The following MBTPS2 variants were observed in gnomAD, a reference collection of about 807,000 sequenced individuals.
MBTPS2 encodes membrane-bound transcription factor site-2 protease.
A neutral mutation model predicts 35.4 loss-of-function variants in MBTPS2; 2 were observed. That is an observed-to-expected ratio of 0.06 (90% CI 0.02 to 0.18). The LOEUF (loss-of-function observed/expected upper bound fraction) is 0.18. Ranked by LOEUF, MBTPS2 falls within the 10% of genes least tolerant of loss-of-function variation. The pLI is 1.00. For synonymous variants in MBTPS2, 125 were observed against 140.4 expected (o/e 0.89, Z 0.77); for missense variants, 244 against 386.5 (o/e 0.63, Z 3.09).
At chrX:21,876,230 T>C (rs898019839) in intron 7 of MBTPS2, among the ~76,000 whole-genome samples, 1 of 111,984 alleles carries the variant, frequency 8.9e-6, no homozygotes, top group Non-Finnish European at 1.9e-5. Context: ...TTTTAAATAC[T>C]GCTCCTCACT....
chrX:21,881,149 G>C (rs1043703869), intron 10 of MBTPS2, among the ~76,000 whole-genome samples, 177 bp downstream of exon 10: 1 of 112,315 alleles, frequency 8.9e-6, no homozygotes, highest in Non-Finnish European at 1.9e-5. Context: ...GAAGAAGTCA[G>C]AGGAGAAAGA....
intron 7 of MBTPS2, chrX:21,870,648 A>G (rs1330103257): frequency 8.9e-6 from 1 of 112,203 alleles, no homozygotes; most frequent in African/African-American, 3.2e-5. Flanking sequence ...GTCTGATTCT[A>G]TCTGGGGTAG....
rs1221905863 is a variant in MBTPS2, at chrX:21,842,466, T to C, written c.76-704T>C. On this transcript the variant is annotated intron_variant, in intron 1 of 10. Transcript: ENST00000379484. ...TTTTTAAATTATAACACAAGGCTTC[T>C]GGACCAGTGCTGTCCAATATGGCAG... 3.3e-4 allele frequency among the ~76,000 whole-genome samples: 36 copies of C among 110,056 alleles called. 1 individual carries two copies. Among genetic ancestry groups the C allele is most frequent in the African/African-American group, 3.3e-5 (1 of 30,244 alleles).
chrX:21,867,090 C>T (rs2092941080), intron 5 of MBTPS2, among the ~76,000 whole-genome samples: 1 of 109,639 alleles, frequency 9.1e-6, no homozygotes, highest in Admixed American at 9.7e-5. Context: ...AAATGATTCT[C>T]AAATTTATCA....
At chrX:21,873,997 G>GTATATA (rs1487065636) in intron 7 of MBTPS2, among the ~76,000 whole-genome samples, 114 of 72,600 alleles carry the variant, frequency 1.6e-3, no homozygotes, top group African/African-American at 5.6e-3. Context: ...GTGTGTGTGT[G>GTATATA]TGTGTATATA....
chrX:21,879,173 C>A (rs1028124796), intron 9 of MBTPS2, among the ~76,000 whole-genome samples: 1 of 112,126 alleles, frequency 8.9e-6, no homozygotes, highest in Non-Finnish European at 1.9e-5. Flanking sequence ...TTCTTTATGG[C>A]TAAAGATCAT....
rs894398869 is a variant in MBTPS2 at position 21,878,433 on chromosome X, A to G, written c.1066-64A>G. The G allele has an allele frequency of 8.4e-6, 7 of 838,321 alleles. No individual in the cohort carries two copies. In the African/African-American group the frequency reaches 1.4e-4, roughly 17 times the overall value. The allele number at this position is 838,321 out of a possible 1,213,427, so 69.1% of individuals were successfully genotyped here. On this transcript the variant is annotated intron_variant, in intron 8 of 10. Coordinates refer to ENST00000379484, the MANE Select transcript of MBTPS2 (RefSeq NM_015884.4). ...TGCTAGGTGACATGAAAAATATTGAAGGAATGTAACTTAGGTTTTTCTTAA... is the reference window on the plus strand; with the variant it reads ...TGCTAGGTGACATGAAAAATATTGAGGGAATGTAACTTAGGTTTTTCTTAA...
chrX:21,856,918 C>T, intron 5 of MBTPS2: 3 of 1,211,863 alleles, frequency 2.5e-6, no homozygotes, highest in Non-Finnish European at 3.3e-6. Context: ...AGCAAAAAGC[C>T]CAGCGGCAAG....
intron 5 of MBTPS2, among the ~76,000 whole-genome samples, chrX:21,862,908 A>AT (rs2092933693): frequency 1.5e-5 from 1 of 66,999 alleles, no homozygotes; most frequent in Non-Finnish European, 3.0e-5. Context: ...AAACATATAT[A>AT]AATATATAAA....
Position 21,885,152 on chromosome X carries a change from C to T in MBTPS2, c.*2497C>T. The T allele has an allele frequency of 4.0e-6, 3 of 753,204 alleles. No individual in the cohort carries two copies. Among genetic ancestry groups the T allele is most frequent in the Non-Finnish European group, 4.7e-6 (3 of 638,421 alleles). The allele number at this position is 753,204 out of a possible 1,213,427, so 62.1% of individuals were successfully genotyped here. A position where few individuals can be genotyped will look rare whatever the true frequency, so the allele number is the denominator to read the frequency against. ...CAGTTTGAAAAGACATGCAGTTAAACTTGACCTTTTGATAATCGCTCTTAC... is the reference window on the plus strand; with the variant it reads ...CAGTTTGAAAAGACATGCAGTTAAATTTGACCTTTTGATAATCGCTCTTAC... On this transcript the variant is annotated 3_prime_UTR_variant, in exon 11 of 11. Coordinates refer to ENST00000379484, the MANE Select transcript of MBTPS2 (RefSeq NM_015884.4).
chrX:21,853,726 CAG>C (rs1311313274), intron 5 of MBTPS2, among the ~76,000 whole-genome samples: 2 of 111,556 alleles, frequency 1.8e-5, no homozygotes, highest in Admixed American at 9.6e-5. Context: ...AATTTAAAAA[CAG>C]AGGAAAACTT....
At chrX:21,848,010 G>A (rs1387510780) in intron 3 of MBTPS2, among the ~76,000 whole-genome samples, 1 of 112,659 alleles carries the variant, frequency 8.9e-6, no homozygotes, top group Non-Finnish European at 1.9e-5. Flanking sequence ...AAGCTCTTTA[G>A]CCTAACATTA....
chrX:21,846,826 G>T (rs886668462), intron 3 of MBTPS2, among the ~76,000 whole-genome samples: 1 of 112,069 alleles, frequency 8.9e-6, no homozygotes, highest in Admixed American at 9.5e-5. Flanking sequence ...TACAGGTAGG[G>T]TCTAGGTTAT....
At chrX:21,853,313 A>G in intron 4 of MBTPS2, 63 bp from the exon 5 acceptor site, 2 of 859,069 alleles carry the variant, frequency 2.3e-6, no homozygotes, top group East Asian at 6.9e-5. Flanking sequence ...AAGATTATGT[A>G]CACTATTAAT....
rs1440371437 is a variant in MBTPS2 at position 21,883,264 on chromosome X, C to T, written c.*609C>T. ...AATGATACCAAATAAATGAACAAAA[C>T]AGGAAGTAGGGCCTATGATATCGTG... is the stretch of plus-strand genomic sequence containing the variant. On this transcript the variant is annotated 3_prime_UTR_variant, in exon 11 of 11. Coordinates refer to ENST00000379484, the MANE Select transcript of MBTPS2 (RefSeq NM_015884.4). 1.3e-6 allele frequency: 1 copy of T among 756,230 alleles called. No homozygotes were observed. The highest frequency in any genetic ancestry group is 1.5e-4 in the East Asian group (1 of 6,821). The allele number at this position is 756,230 out of a possible 1,213,427, so 62.3% of individuals were successfully genotyped here.
Position 21,883,732 on chromosome X carries a change from G to A in MBTPS2, c.*1077G>A. ...GTCTCTCTCCTAAGCTACCTCTCTG[G>A]GTCCACAGAAGACTTGGTAGTATAG... is the stretch of plus-strand genomic sequence containing the variant. On this transcript the variant is annotated 3_prime_UTR_variant, in exon 11 of 11. Coordinates refer to ENST00000379484, the MANE Select transcript of MBTPS2 (RefSeq NM_015884.4). 1 of 753,263 alleles carries A rather than the reference G, an allele frequency of 1.3e-6. No homozygotes were observed. Among genetic ancestry groups the A allele is most frequent in the Non-Finnish European group, 1.6e-6 (1 of 638,748 alleles). 62.1% of individuals were successfully genotyped at this position (753,263 alleles called of 1,213,427 possible).
chrX:21,873,103 T>C (rs2092949049), intron 7 of MBTPS2: 1 of 111,829 alleles, frequency 8.9e-6, no homozygotes, highest in Non-Finnish European at 1.9e-5. Context: ...TGGAAGTGCT[T>C]GTAAACCATC....
chrX:21,851,933 G>A (rs1048857730), intron 4 of MBTPS2, among the ~76,000 whole-genome samples: 2 of 111,638 alleles, frequency 1.8e-5, no homozygotes, highest in Non-Finnish European at 3.8e-5. Flanking sequence ...TCTGTTCATC[G>A]AGTCAGAATG....
intron 5 of MBTPS2, among the ~76,000 whole-genome samples, chrX:21,862,998 G>A (rs1192422787): frequency 1.2e-5 from 1 of 81,172 alleles, no homozygotes; most frequent in Non-Finnish European, 2.4e-5. Flanking sequence ...GCTCACGCCT[G>A]TAATCCCAGC....
Sources: allele counts gnomAD v4.1 joint callset (sites outside exome capture counted in the v4.1 genomes callset), GRCh38; gene constraint gnomAD v4.1.1; transcripts MANE v1.5; gene names NCBI Gene and HGNC (gene_info 2026-07-23, HGNC 2026-07-21).